Variants in SYNM observed in about 807,000 individuals in gnomAD.
SYNM encodes the protein synemin, also known as desmuslin.
Under a neutral mutation model 104.0 loss-of-function variants are expected in SYNM, and 95 were observed. That is an observed-to-expected ratio of 0.91 (90% CI 0.77 to 1.08). SYNM has a LOEUF of 1.08. Among genes scored for constraint, SYNM ranks in the 50% least tolerant of loss-of-function variants. The pLI is 0.00. For missense variants in SYNM, 2,150 were observed against 2,052.2 expected, an observed-to-expected ratio of 1.05 and a Z score of -0.92; for synonymous variants, 918 against 869.0, an observed-to-expected ratio of 1.06 and a Z score of -0.99.
chr15:99,114,217 C>G (rs947769748), intron 2 of SYNM, among the ~76,000 whole-genome samples: 10 of 152,130 alleles, frequency 6.6e-5, no homozygotes, highest in African/African-American at 2.2e-4. Context: ...AGGAAACTTA[C>G]AATCGTGGCG....
At chr15:99,108,716 T>C (rs933563539) in intron 1 of SYNM, among the ~76,000 whole-genome samples, 1 of 152,148 alleles carries the variant, frequency 6.6e-6, no homozygotes, top group Non-Finnish European at 1.5e-5. Flanking sequence ...GGCACATAAG[T>C]CACCTGATTA....
downstream of SYNM, chr15:99,137,863 G>A (rs1054464610): frequency 1.5e-6 from 2 of 1,307,170 alleles, no homozygotes; most frequent in African/African-American, 1.5e-5. Flanking sequence ...GAGGCTTATG[G>A]TCTCACTGTT....
At chr15:99,115,018 A>C (rs905447853) in intron 2 of SYNM, among the ~76,000 whole-genome samples, 2 of 152,016 alleles carry the variant, frequency 1.3e-5, no homozygotes, top group South Asian at 2.1e-4. Context: ...CTCCGAGTCA[A>C]CTCTGAGGTG....
At chr15:99,108,274 A>ATT (rs34993660) in intron 1 of SYNM, among the ~76,000 whole-genome samples, 1 of 149,132 alleles carries the variant, frequency 6.7e-6, no homozygotes, top group African/African-American at 2.5e-5. Flanking sequence ...GTGCCCGGCC[A>ATT]TTTTTTTTTT....
chr15:99,109,239 C>T (rs550469012), intron 1 of SYNM, among the ~76,000 whole-genome samples: 1 of 152,322 alleles, frequency 6.6e-6, no homozygotes, highest in African/African-American at 2.4e-5. Flanking sequence ...GAAGAGTTTG[C>T]TGAACTGACA....
chr15:99,121,011 T>C (rs2067395855), intron 2 of SYNM, among the ~76,000 whole-genome samples: 1 of 151,832 alleles, frequency 6.6e-6, no homozygotes, highest in African/African-American at 2.4e-5. Context: ...ACTGAGGTGA[T>C]GAGAAGAGAT....
At chr15:99,138,816 G>A (rs2067858101), downstream of SYNM, among the ~76,000 whole-genome samples, 1 of 151,830 alleles carries the variant, frequency 6.6e-6, no homozygotes, top group Non-Finnish European at 1.5e-5. Context: ...CTGTTTCCCT[G>A]AGCAGACTCA....
Position 99,130,380 on chromosome 15 carries a change from A to G in SYNM, c.2020A>G (p.Lys674Glu), listed in dbSNP as rs2067489058. ...CACAAAAGTCACTTACGTGGACAGG[A>G]AAGAGCTTCCTGGGGAAAGGAAAAC... is the stretch of plus-strand genomic sequence containing the variant. ...PDTKVTYVDRKELPGERKTKT... is the reference protein window; with the variant it reads ...PDTKVTYVDREELPGERKTKT... Residue 674 changes from lysine to glutamate, a missense_variant, in exon 4 of 4, where the codon AAA becomes GAA. Lys to Glu is a moderately conservative substitution (Grantham distance 56). Coordinates refer to ENST00000336292, the MANE Select transcript of SYNM (RefSeq NM_145728.3). 6.2e-7 allele frequency: 1 copy of G among 1,613,782 alleles called. No homozygotes were observed. Among genetic ancestry groups the G allele is most frequent in the Non-Finnish European group, 8.5e-7 (1 of 1,179,784 alleles).
chr15:99,113,801 T>C, intron 2 of SYNM, 86 bp downstream of exon 2: 1 of 1,533,286 alleles, frequency 6.5e-7, no homozygotes, highest in East Asian at 2.4e-5. Context: ...GACCGTAGCC[T>C]TTGTGGAGTC....
chr15:99,107,737 C>T (rs1045758708), intron 1 of SYNM, among the ~76,000 whole-genome samples: 2 of 152,098 alleles, frequency 1.3e-5, no homozygotes, highest in Admixed American at 6.5e-5. Flanking sequence ...AGTTAGAATC[C>T]TGTGCAGCCC....
chr15:99,135,455 T>C lies in SYNM; in HGVS notation c.*2397T>C, dbSNP rs1218152927. ...CACTGAGTGTTTTTCAGTTTCCTAC[T>C]GGTGGTTTTGATATTGTTTGTTTAA... On this transcript the variant is annotated 3_prime_UTR_variant, in exon 4 of 4. Coordinates refer to ENST00000336292, the MANE Select transcript of SYNM (RefSeq NM_145728.3). 2.6e-5 allele frequency: 4 copies of C among 152,656 alleles called. No individual in the cohort carries two copies. The allele number at this position is 152,656 out of a possible 1,614,324, so 9.5% of individuals were successfully genotyped here.
chr15:99,131,259 G>GAGCT lies in SYNM; in HGVS notation c.2900_2903dup (p.Ser969AlafsTer35). 1 of 1,610,990 alleles carries GAGCT rather than the reference G, an allele frequency of 6.2e-7. No homozygotes were observed. The highest frequency in any genetic ancestry group is 1.1e-5 in the South Asian group (1 of 90,080). On this transcript the variant is annotated frameshift_variant, in exon 4 of 4. Coordinates refer to ENST00000336292, the MANE Select transcript of SYNM (RefSeq NM_145728.3). LOFTEE classifies it high-confidence loss of function. This position sits in a 1 kb window ranked among gnomAD's most constrained non-coding sequence, Gnocchi z 4.3. ...AACCCTTCCCGAGCGCATGAGGGAG[G>GAGCT]AGCTGTCCGCCCTCACCAGAGAGGG...
At position 99,113,693 on chromosome 15, in the gene SYNM, A is replaced by T. The variant is rs2067320670; in HGVS notation, c.913A>T (p.Ser305Cys). The change falls in exon 2 of 4, where the codon AGT becomes TGT. Residue 305 changes from serine (S) to cysteine (C), a missense_variant. Transcript: ENST00000336292. ...CCTCCTGCAGGTGAAGACCGGCCTC[A>T]GTCTGGAGGTGGCGACCTACCGGTA... Reference protein sequence around the residue: ...QDLLQVKTGLSLEVATYRALL... With the variant: ...QDLLQVKTGLCLEVATYRALL... 2 of 1,613,308 alleles carry T rather than the reference A, an allele frequency of 1.2e-6. No individual in the cohort carries two copies. The highest frequency in any genetic ancestry group is 1.7e-6 in the Non-Finnish European group (2 of 1,179,712).
rs1555486590 is a variant in SYNM, at chr15:99,135,486, A to G, written c.*2428A>G. 1 of 152,662 alleles carries G rather than the reference A, an allele frequency of 6.6e-6. No individual in the cohort carries two copies. The highest frequency in any genetic ancestry group is 2.4e-5 in the African/African-American group (1 of 41,454). 9.5% of individuals were successfully genotyped at this position (152,662 alleles called of 1,614,324 possible). ...TTTTGATATTGTTTGTTTAAGATGT[A>G]TATTTAGAATGACATCATCTAAGAA... On this transcript the variant is annotated 3_prime_UTR_variant, in exon 4 of 4. Transcript: ENST00000336292.
At chr15:99,138,805 CCT>C (rs1255101220), downstream of SYNM, among the ~76,000 whole-genome samples, 8 of 152,180 alleles carry the variant, frequency 5.3e-5, no homozygotes, top group African/African-American at 1.7e-4. Flanking sequence ...GGGCTGTGGC[CCT>C]GTTTCCCTGA....
chr15:99,129,524 A>G lies in SYNM; in HGVS notation c.1164A>G (p.Thr388=), dbSNP rs536759583. The G allele has an allele frequency of 3.7e-6, 6 of 1,614,046 alleles. No homozygotes were observed. The Admixed American group carries it at 6.7e-5, about 18-fold the overall frequency. Residue 388 remains threonine, a synonymous_variant, in exon 4 of 4, where the codon ACA becomes ACG. Transcript: ENST00000336292. ...GGCACCGTGGATCTCAGACGGGCAC[A>G]TCTATTGGAGGTGATGCCAGAAGAG... ...LSGHRGSQTG[T]SIGGDARRGF...
At position 99,105,891 on chromosome 15, in the gene SYNM, C is replaced by T. The variant is rs531355545; in HGVS notation, c.692C>T (p.Ala231Val). The T allele has an allele frequency of 3.5e-4, 533 of 1,537,546 alleles. 6 individuals are homozygous for T. The East Asian group carries it at 0.012, about 34-fold the overall frequency. Residue 231 changes from alanine to valine, a missense_variant, in exon 1 of 4, where the codon GCG becomes GTG. Physicochemically the swap from Ala to Val is moderately conservative, Grantham distance 64 (BLOSUM62 0). Coordinates refer to ENST00000336292, the MANE Select transcript of SYNM (RefSeq NM_145728.3). ...LQAEEETRLCAQEAEALRREA... is the reference protein window; with the variant it reads ...LQAEEETRLCVQEAEALRREA... ...GCGGAGGAAGAGACGCGGCTGTGCG[C>T]GCAGGAGGCAGAGGCGCTGCGGCGC...
At position 99,130,222 on chromosome 15, in the gene SYNM, G is replaced by A; in HGVS notation, c.1862G>A (p.Gly621Asp). The A allele has an allele frequency of 6.2e-7, 1 of 1,613,944 alleles. No homozygotes were observed. ...GCAAGAGAGCTACGGTTCAGGTTGG[G>A]CACCAGTGATGCCACTGGTTCTCTG... The part of the protein sequence containing the change: ...AEARELRFRL[G>D]TSDATGSLQG... Residue 621 changes from glycine (G) to aspartate (D), a missense_variant, in exon 4 of 4, where the codon GGC (glycine) becomes GAC (aspartate). Gly to Asp is a moderately conservative substitution (Grantham distance 94). Transcript: ENST00000336292.
chr15:99,123,912 T>G (rs1435703789), intron 2 of SYNM, among the ~76,000 whole-genome samples: 5 of 152,264 alleles, frequency 3.3e-5, no homozygotes, highest in Admixed American at 2.0e-4. Context: ...TGGAGCCTGC[T>G]CAGGACGCCG....
Sources: allele counts gnomAD v4.1 joint callset (sites outside exome capture counted in the v4.1 genomes callset), GRCh38; gene constraint gnomAD v4.1.1; non-coding constraint Gnocchi (gnomAD v3.1); transcripts MANE v1.5; gene names NCBI Gene and HGNC (gene_info 2026-07-23, HGNC 2026-07-21).